RBFOX1: variants seen among roughly 807,000 people sequenced by gnomAD.
RBFOX1 encodes RNA binding fox-1 homolog 1.
RBFOX1 carries 8 observed loss-of-function variants against 57.7 expected under a neutral mutation model. That is an observed-to-expected ratio of 0.14 (90% CI 0.08 to 0.25). The LOEUF is 0.25. RBFOX1 is among the 10% of genes least tolerant of loss of function. RBFOX1 has a pLI of 1.00. For synonymous variants in RBFOX1, 326 were observed against 222.4 expected (o/e 1.47, Z -4.15); for missense variants, 611 against 548.5 (o/e 1.11, Z -1.14).
chr16:7,555,390 A>G (rs2088030423), intron 5 of RBFOX1, among the ~76,000 whole-genome samples: 1 of 152,206 alleles, frequency 6.6e-6, no homozygotes, highest in African/African-American at 2.4e-5. Flanking sequence ...AATAGACACC[A>G]GTGTTACCTT....
intron 1 of RBFOX1, among the ~76,000 whole-genome samples, chr16:6,157,666 C>T (rs976064700): frequency 2.6e-5 from 4 of 151,956 alleles, no homozygotes; most frequent in African/African-American, 7.3e-5. Flanking sequence ...TATATAAATA[C>T]AAGTTATATA....
intron 2 of RBFOX1, among the ~76,000 whole-genome samples, chr16:6,644,386 G>A (rs996440259): frequency 7.2e-5 from 11 of 152,122 alleles, no homozygotes; most frequent in Non-Finnish European, 1.3e-4. Flanking sequence ...ATTATAAACC[G>A]TTCTGCTATA....
chr16:6,924,588 C>G (rs76961439), intron 3 of RBFOX1, among the ~76,000 whole-genome samples: 1 of 152,168 alleles, frequency 6.6e-6, no homozygotes, highest in South Asian at 2.1e-4. Flanking sequence ...TATCACCGAG[C>G]CTCCATTTCT....
chr16:6,019,198 G>T lies in RBFOX1; in HGVS notation c.-921G>T. 1.0e-6 allele frequency: 1 copy of T among 984,902 alleles called. No individual in the cohort carries two copies. Among genetic ancestry groups the T allele is most frequent in the Non-Finnish European group, 1.2e-6 (1 of 829,892 alleles). 61.0% of individuals were successfully genotyped at this position (984,902 alleles called of 1,614,324 possible). A position where few individuals can be genotyped will look rare whatever the true frequency, so the allele number is the denominator to read the frequency against. On this transcript the variant is annotated 5_prime_UTR_variant, in exon 1 of 16. Coordinates refer to ENST00000550418, the MANE Select transcript of RBFOX1 (RefSeq NM_018723.4). This position sits in a 1 kb window ranked among gnomAD's most constrained non-coding sequence, Gnocchi z 4.2. ...GAAGATTTCCTCTTTATTCTCTCCC[G>T]CCCTCCTACAAGCGCTCTTGCTGGC...
At position 7,631,687 on chromosome 16, in the gene RBFOX1, G is replaced by T. The variant is rs554672932; in HGVS notation, c.757+1004G>T. ...AGTTGTAAAAGGCAGGGATGGGGAG[G>T]AGAGCAGGAGTACCAGGCTCAAGGG... is the stretch of plus-strand genomic sequence containing the variant. On this transcript the variant is annotated intron_variant, in intron 11 of 15. Transcript: ENST00000550418. Among the ~76,000 whole-genome samples, 8 of 152,236 alleles carry T rather than the reference G, an allele frequency of 5.3e-5. 1 individual carries two copies. The South Asian group carries it at 1.7e-3, about 32-fold the overall frequency.
chr16:6,919,370 C>T (rs1401269869), intron 3 of RBFOX1, among the ~76,000 whole-genome samples: 2 of 152,050 alleles, frequency 1.3e-5, no homozygotes, highest in Non-Finnish European at 2.9e-5. Context: ...CACAACAGCC[C>T]AGCAGTTTAG....
intron 1 of RBFOX1, among the ~76,000 whole-genome samples, chr16:6,093,505 AT>A (rs1403592177): frequency 6.6e-6 from 1 of 152,182 alleles, no homozygotes; most frequent in East Asian, 1.9e-4. Flanking sequence ...TAGAGGGGCA[AT>A]GGGGGTTAAG....
chr16:5,277,835 C>T (rs1567270226), intron 1 of RBFOX1, among the ~76,000 whole-genome samples: 2 of 152,132 alleles, frequency 1.3e-5, no homozygotes, highest in South Asian at 4.1e-4. Flanking sequence ...GGATTTCATT[C>T]TTTTTTATGG....
At chr16:7,507,370 C>G (rs951445098) in intron 4 of RBFOX1, among the ~76,000 whole-genome samples, 2 of 151,684 alleles carry the variant, frequency 1.3e-5, no homozygotes, top group Non-Finnish European at 2.9e-5. Flanking sequence ...TATGATGATC[C>G]CCTACATGGG....
intron 3 of RBFOX1, among the ~76,000 whole-genome samples, chr16:6,849,663 C>T (rs1365339383): frequency 6.6e-6 from 1 of 151,886 alleles, no homozygotes; most frequent in Non-Finnish European, 1.5e-5. Flanking sequence ...AGCAAGACTC[C>T]ATCTCAAAAA....
chr16:7,081,490 C>A (rs1255405055), intron 4 of RBFOX1, among the ~76,000 whole-genome samples: 1 of 152,174 alleles, frequency 6.6e-6, no homozygotes, highest in Non-Finnish European at 1.5e-5. Flanking sequence ...AAATTCACCT[C>A]CCAAGGCTAG....
chr16:5,870,870 C>T (rs755162332), intron 4 of RBFOX1, among the ~76,000 whole-genome samples: 14 of 151,486 alleles, frequency 9.2e-5, no homozygotes, highest in Non-Finnish European at 1.9e-4. Flanking sequence ...CTTTCTTTCC[C>T]CCCCACCCCC....
At chr16:7,618,249 A>G (rs963676090) in intron 10 of RBFOX1, among the ~76,000 whole-genome samples, 2 of 152,198 alleles carry the variant, frequency 1.3e-5, no homozygotes, top group Non-Finnish European at 1.5e-5. Context: ...ATAATTAAAA[A>G]TAAATAAGGA....
chr16:7,157,937 T>C (rs2077481665), intron 4 of RBFOX1, among the ~76,000 whole-genome samples: 1 of 152,230 alleles, frequency 6.6e-6, no homozygotes, highest in Admixed American at 6.5e-5. Context: ...TTTTCTTAAT[T>C]AAGCATTTAA....
intron 11 of RBFOX1, among the ~76,000 whole-genome samples, chr16:7,636,556 C>A (rs2061790345): frequency 6.6e-6 from 1 of 152,178 alleles, no homozygotes. Context: ...ATTACATAGG[C>A]AAATGTATCT....
intron 2 of RBFOX1, among the ~76,000 whole-genome samples, chr16:5,552,888 C>A (rs1197615609): frequency 6.6e-6 from 1 of 152,102 alleles, no homozygotes; most frequent in Non-Finnish European, 1.5e-5. Flanking sequence ...TGATACCCAT[C>A]TCCAGGTCCT....
At chr16:7,412,548 A>G (rs571531073) in intron 4 of RBFOX1, among the ~76,000 whole-genome samples, 52 of 152,362 alleles carry the variant, frequency 3.4e-4, no homozygotes, top group African/African-American at 1.2e-3. Flanking sequence ...GAAAATAAAC[A>G]TAAGCCCACA....
intron 4 of RBFOX1, among the ~76,000 whole-genome samples, chr16:7,271,798 G>T (rs531124094): frequency 3.6e-4 from 54 of 151,738 alleles, no homozygotes; most frequent in African/African-American, 1.3e-3. Flanking sequence ...GGCTCTTATT[G>T]TAAATGTCTG....
intron 4 of RBFOX1, among the ~76,000 whole-genome samples, chr16:5,873,563 T>G (rs758011536): frequency 1.3e-5 from 2 of 152,230 alleles, no homozygotes; most frequent in African/African-American, 2.4e-5. Context: ...TTCTTGAACG[T>G]TTAAGTGACA....
Sources: allele counts gnomAD v4.1 joint callset (sites outside exome capture counted in the v4.1 genomes callset), GRCh38; gene constraint gnomAD v4.1.1; non-coding constraint Gnocchi (gnomAD v3.1); transcripts MANE v1.5; gene names NCBI Gene and HGNC (gene_info 2026-07-23, HGNC 2026-07-21).